The following ANKRD17 variants were observed in gnomAD, a reference collection of about 807,000 sequenced individuals.
The protein encoded by ANKRD17 is ankyrin repeat domain 17, also known as ankyrin repeat domain-containing protein 17.
A neutral mutation model predicts 229.7 loss-of-function variants in ANKRD17; 19 were observed. The ratio of observed to expected loss-of-function variants is 0.08; its 90% CI spans 0.06 to 0.12. The LOEUF (loss-of-function observed/expected upper bound fraction) is 0.12. Among genes scored for constraint, ANKRD17 ranks in the 10% least tolerant of loss-of-function variants. The probability of loss-of-function intolerance (pLI) is 1.00; values close to 1 mark genes in which losing one functional copy is unlikely to be tolerated. For synonymous variants in ANKRD17, 1,112 were observed against 1,146.1 expected, an observed-to-expected ratio of 0.97 and a Z score of 0.60; for missense variants, 2,176 against 3,176.8, an observed-to-expected ratio of 0.68 and a Z score of 7.57.
intron 1 of ANKRD17, among the ~76,000 whole-genome samples, chr4:73,215,147 T>C (rs1002010957): frequency 3.3e-5 from 5 of 152,116 alleles, no homozygotes; most frequent in African/African-American, 9.7e-5. Context: ...TGATTTGTCA[T>C]CAATAATAAA....
At position 73,146,526 on chromosome 4, in the gene ANKRD17, C is replaced by A. The variant is rs1015590198; in HGVS notation, c.1869+238G>T. Among the ~76,000 whole-genome samples the A allele has an allele frequency of 4.6e-5, 7 of 151,802 alleles. No individual in the cohort carries two copies. In the South Asian group the frequency reaches 8.3e-4, roughly 18 times the overall value. On this transcript the variant is annotated intron_variant, in intron 10 of 33. Coordinates refer to ENST00000358602, the MANE Select transcript of ANKRD17 (RefSeq NM_032217.5). ...CCAGTCTGCATTAATATCTGTAACA[C>A]AAAAATTTCCTTTTTCTATGGAAAA...
chr4:73,208,747 T>C (rs1034068289), intron 1 of ANKRD17, among the ~76,000 whole-genome samples: 12 of 152,320 alleles, frequency 7.9e-5, no homozygotes, highest in Non-Finnish European at 1.6e-4. Context: ...TCAACATTTG[T>C]AGTATACAGC....
chr4:73,202,823 C>T (rs910438849), intron 1 of ANKRD17, among the ~76,000 whole-genome samples: 4 of 152,062 alleles, frequency 2.6e-5, no homozygotes, highest in African/African-American at 9.7e-5. Context: ...AAAGGTGTCT[C>T]ATAATTAGGA....
In ANKRD17 at chr4:73,189,403, G is replaced by GTGTTTTT. The variant is rs1553932825; in HGVS notation, c.394-11871_394-11870insAAAAACA. ...ACGGTGATATTCCTCTGCCTGGAAT[G>GTGTTTTT]TTTTTTTTTTTTTTTTTTTTGAAAC... On this transcript the variant is annotated intron_variant, in intron 1 of 33. Transcript: ENST00000358602. Among the ~76,000 whole-genome samples the GTGTTTTT allele has an allele frequency of 1.5e-3, 173 of 112,692 alleles. 1 individual carries two copies. Among genetic ancestry groups the GTGTTTTT allele is most frequent in the African/African-American group, 5.8e-3 (166 of 28,458 alleles). The allele number at this position is 112,692 out of a possible 152,430, so 73.9% of individuals were successfully genotyped here.
At chr4:73,197,187 A>G (rs1007148066) in intron 1 of ANKRD17, among the ~76,000 whole-genome samples, 1 of 152,118 alleles carries the variant, frequency 6.6e-6, no homozygotes, top group African/African-American at 2.4e-5. Context: ...GTAGAAGGTG[A>G]AAAAGGAGTT....
chr4:73,090,635 C>T (rs768164710), intron 29 of ANKRD17, 32 bp downstream of exon 29: 4 of 1,611,932 alleles, frequency 2.5e-6, no homozygotes, highest in Non-Finnish European at 3.4e-6. Flanking sequence ...TGCAAATGAA[C>T]AGCTGCAGAA....
chr4:73,170,538 G>T (rs1451908651), intron 2 of ANKRD17, among the ~76,000 whole-genome samples: 2 of 151,728 alleles, frequency 1.3e-5, no homozygotes, highest in South Asian at 2.1e-4. Flanking sequence ...TTGGGGTCGG[G>T]GGGCGGGGGG....
intron 1 of ANKRD17, among the ~76,000 whole-genome samples, chr4:73,204,375 A>AAAAG (rs1739159279): frequency 6.7e-6 from 1 of 150,060 alleles, no homozygotes; most frequent in African/African-American, 2.5e-5. Flanking sequence ...AAAAAAAAAA[A>AAAAG]AAAAGAAAAG....
chr4:73,222,249 G>T lies in ANKRD17; in HGVS notation c.393+36027C>A, dbSNP rs1007623495. On this transcript the variant is annotated intron_variant, in intron 1 of 33. Coordinates refer to ENST00000358602, the MANE Select transcript of ANKRD17 (RefSeq NM_032217.5). ...TAGTATACTACATTCAATGCCAAAAGCAATTATAGTTTCACTTTGACATGT... is the reference window on the plus strand; with the variant it reads ...TAGTATACTACATTCAATGCCAAAATCAATTATAGTTTCACTTTGACATGT... Among the ~76,000 whole-genome samples, 3 of 151,910 alleles carry T rather than the reference G, an allele frequency of 2.0e-5. No individual in the cohort carries two copies. The South Asian group carries it at 6.2e-4, about 31-fold the overall frequency.
At chr4:73,155,537 C>T in intron 5 of ANKRD17, 94 bp downstream of exon 5, 1 of 1,414,142 alleles carries the variant, frequency 7.1e-7, no homozygotes, top group Admixed American at 1.9e-5. Context: ...AATAAGAGAA[C>T]TGAAAAATTA....
At chr4:73,195,374 C>T (rs896764261) in intron 1 of ANKRD17, among the ~76,000 whole-genome samples, 20 of 152,062 alleles carry the variant, frequency 1.3e-4, no homozygotes, top group African/African-American at 4.8e-4. Context: ...ATGCTGGTCT[C>T]ATAATGTGAG....
intron 1 of ANKRD17, among the ~76,000 whole-genome samples, chr4:73,230,564 A>G (rs1183701602): frequency 6.6e-6 from 1 of 152,172 alleles, no homozygotes; most frequent in Admixed American, 6.5e-5. Context: ...TTTAATACTA[A>G]AAACTTCAAT....
chr4:73,138,410 G>C (rs1729179016), intron 15 of ANKRD17, among the ~76,000 whole-genome samples: 1 of 152,044 alleles, frequency 6.6e-6, no homozygotes, highest in Admixed American at 6.5e-5. Flanking sequence ...ATATTTTTAA[G>C]TATAAAATCT....
At chr4:73,228,746 TTTA>T (rs1237534448) in intron 1 of ANKRD17, among the ~76,000 whole-genome samples, 1 of 152,220 alleles carries the variant, frequency 6.6e-6, no homozygotes, top group Non-Finnish European at 1.5e-5. Context: ...GCATAATGTA[TTTA>T]ACCAGTCCAG....
intron 1 of ANKRD17, among the ~76,000 whole-genome samples, chr4:73,215,264 G>GT (rs1192000148): frequency 4.2e-5 from 6 of 141,596 alleles, no homozygotes; most frequent in African/African-American, 1.7e-4. Context: ...TAGAAAATGT[G>GT]ATTTTTTTTT....
At chr4:73,222,012 C>A (rs1386046196) in intron 1 of ANKRD17, among the ~76,000 whole-genome samples, 2 of 152,108 alleles carry the variant, frequency 1.3e-5, no homozygotes, top group South Asian at 2.1e-4. Flanking sequence ...CAAGCCCTCT[C>A]CCCACAGTAA....
rs113689573 is a variant in ANKRD17, at chr4:73,167,318, A to G, written c.548-5970T>C. On this transcript the variant is annotated intron_variant, in intron 2 of 33. Transcript: ENST00000358602. ...GTGAAAGAGAGGTGGAGAAAGAAAGAAAGGGAAGTAGGGGGAAGGCTAGCT... is the reference window on the plus strand; with the variant it reads ...GTGAAAGAGAGGTGGAGAAAGAAAGGAAGGGAAGTAGGGGGAAGGCTAGCT... Among the ~76,000 whole-genome samples the G allele has an allele frequency of 2.5e-3, 378 of 152,274 alleles. 2 individuals are homozygous for G. Among genetic ancestry groups the G allele is most frequent in the South Asian group, 0.016 (77 of 4,828 alleles).
intron 8 of ANKRD17, 70 bp from the exon 9 acceptor site, chr4:73,147,502 TTTC>T (rs1226759524): frequency 8.0e-7 from 1 of 1,244,086 alleles, no homozygotes. Context: ...AACATGATTG[TTTC>T]TTAATAAACT....
At chr4:73,165,368 G>C (rs1009935427) in intron 2 of ANKRD17, among the ~76,000 whole-genome samples, 1 of 152,198 alleles carries the variant, frequency 6.6e-6, no homozygotes, top group South Asian at 2.1e-4. Flanking sequence ...CCTGGACTAG[G>C]AGACATCAGG....
Sources: gnomAD v4.1 joint callset for allele counts (sites outside exome capture counted in the v4.1 genomes callset) on GRCh38, gnomAD v4.1.1 for gene constraint, MANE v1.5 for transcripts, NCBI Gene and HGNC (gene_info 2026-07-23, HGNC 2026-07-21) for gene names.